ANKRD11: variants seen among roughly 807,000 people sequenced by gnomAD.
ANKRD11 encodes ankyrin repeat domain-containing protein 11.
A neutral mutation model predicts 195.7 loss-of-function variants in ANKRD11; 17 were observed. That is an observed-to-expected ratio of 0.09 (90% CI 0.06 to 0.13). ANKRD11 has a LOEUF of 0.13. Ranked by LOEUF, ANKRD11 falls within the 10% of genes least tolerant of loss-of-function variation. ANKRD11 has a pLI of 1.00. For missense variants in ANKRD11, 3,735 were observed against 3,566.1 expected, an observed-to-expected ratio of 1.05 and a Z score of -1.21; for synonymous variants, 1,953 against 1,528.1, an observed-to-expected ratio of 1.28 and a Z score of -6.49.
chr16:89,422,555 C>T (rs564602156), intron 1 of ANKRD11, among the ~76,000 whole-genome samples: 2 of 152,254 alleles, frequency 1.3e-5, no homozygotes, highest in African/African-American at 2.4e-5. Context: ...AGTAATAACA[C>T]GATATTCGCG....
chr16:89,395,139 C>T (rs142034190), intron 2 of ANKRD11, among the ~76,000 whole-genome samples: 4 of 152,368 alleles, frequency 2.6e-5, no homozygotes, highest in Admixed American at 2.6e-4. Context: ...GAACAGGCAA[C>T]ACCACCACTC....
chr16:89,388,293 AT>A (rs71134215), intron 2 of ANKRD11, among the ~76,000 whole-genome samples: 3,023 of 85,238 alleles, frequency 0.035, 128 homozygotes, highest in African/African-American at 0.12. Flanking sequence ...CATGAGGCTG[AT>A]TTTTTTTTTT....
intron 2 of ANKRD11, among the ~76,000 whole-genome samples, chr16:89,413,944 G>A (rs2042197125): frequency 6.6e-6 from 1 of 152,132 alleles, no homozygotes; most frequent in Non-Finnish European, 1.5e-5. Flanking sequence ...TGGCCACCCA[G>A]ACAGGGACCC....
chr16:89,472,622 C>T (rs757397062), intron 1 of ANKRD11, among the ~76,000 whole-genome samples: 2 of 152,166 alleles, frequency 1.3e-5, no homozygotes, highest in Admixed American at 6.5e-5. Flanking sequence ...CATTCCACTG[C>T]GCCCAGCTTA....
chr16:89,411,075 C>G (rs554391461), intron 2 of ANKRD11, among the ~76,000 whole-genome samples: 47 of 152,350 alleles, frequency 3.1e-4, no homozygotes, highest in Admixed American at 7.8e-4. Flanking sequence ...GCGGCCAGTG[C>G]AGGAGGCAGG....
chr16:89,296,050 G>A (rs867684440), intron 4 of ANKRD11, among the ~76,000 whole-genome samples: 3 of 138,472 alleles, frequency 2.2e-5, no homozygotes, highest in Non-Finnish European at 4.6e-5. Context: ...GCACAGTGGC[G>A]CAATCTCAGC....
intron 1 of ANKRD11, among the ~76,000 whole-genome samples, chr16:89,464,158 G>C (rs940453991): frequency 6.6e-6 from 1 of 152,062 alleles, no homozygotes; most frequent in Non-Finnish European, 1.5e-5. Flanking sequence ...AGAATCACTT[G>C]AACCTGGGAG....
At chr16:89,467,439 C>T (rs943738170) in intron 1 of ANKRD11, among the ~76,000 whole-genome samples, 3 of 152,220 alleles carry the variant, frequency 2.0e-5, no homozygotes, top group Non-Finnish European at 4.4e-5. Context: ...AAGACCTTGT[C>T]TCTAAAAAGA....
chr16:89,278,663 A>G, intron 9 of ANKRD11: 1 of 463,068 alleles, frequency 2.2e-6, no homozygotes, highest in Non-Finnish European at 4.3e-6. Context: ...GGCTCAGGGA[A>G]CCCACGCGGG....
intron 1 of ANKRD11, among the ~76,000 whole-genome samples, chr16:89,481,726 G>C (rs1470076634): frequency 2.0e-5 from 3 of 152,098 alleles, no homozygotes; most frequent in Non-Finnish European, 4.4e-5. Context: ...CATGCTTCCA[G>C]GTTAATCTGC....
intron 1 of ANKRD11, among the ~76,000 whole-genome samples, chr16:89,439,403 T>C (rs1480493172): frequency 6.6e-6 from 1 of 152,200 alleles, no homozygotes; most frequent in Non-Finnish European, 1.5e-5. Flanking sequence ...ATAAACCCAG[T>C]GTAAAGTCAA....
intron 2 of ANKRD11, among the ~76,000 whole-genome samples, chr16:89,353,896 A>G (rs1327175439): frequency 6.6e-6 from 1 of 152,200 alleles, no homozygotes; most frequent in Non-Finnish European, 1.5e-5. Flanking sequence ...GCAGCCTCTC[A>G]TGCAGGGAGC....
chr16:89,313,388 A>T, intron 3 of ANKRD11: 1 of 1,286,168 alleles, frequency 7.8e-7, no homozygotes, highest in Non-Finnish European at 1.0e-6. Flanking sequence ...CGGTTCTGGG[A>T]TTCCGTGGTC....
chr16:89,280,217 G>C lies in ANKRD11; in HGVS notation c.6325C>G (p.Leu2109Val). ...ENSFLDGSRG[L>V]SHLGQVEPVP... ...GGCTCCACCTGGCCGAGGTGAGACA[G>C]GCCGCGGCTGCCGTCCAGGAAGCTA... The change falls in exon 9 of 13, where the codon CTG (leucine) becomes GTG (valine). Residue 2109 changes from leucine (L) to valine (V), a missense_variant. By Grantham distance (32) the Leu-to-Val change is conservative (BLOSUM62 1). Transcript: ENST00000301030. The C allele has an allele frequency of 6.2e-7, 1 of 1,607,932 alleles. No individual in the cohort carries two copies. Among genetic ancestry groups the C allele is most frequent in the South Asian group, 1.1e-5 (1 of 90,960 alleles).
At chr16:89,356,817 G>A (rs1037778149) in intron 2 of ANKRD11, among the ~76,000 whole-genome samples, 2 of 151,164 alleles carry the variant, frequency 1.3e-5, no homozygotes, top group Non-Finnish European at 3.0e-5. Flanking sequence ...AAAAAAGAAC[G>A]TAATGGTACA....
At chr16:89,403,557 A>G (rs1052484027) in intron 2 of ANKRD11, 1 of 152,254 alleles carries the variant, frequency 6.6e-6, no homozygotes. Flanking sequence ...GCTTAAAAAA[A>G]AAAAGTACAC....
At chr16:89,349,604 C>CA (rs1169901839) in intron 2 of ANKRD11, among the ~76,000 whole-genome samples, 1 of 151,940 alleles carries the variant, frequency 6.6e-6, no homozygotes, top group African/African-American at 2.4e-5. Context: ...TATCCTCATG[C>CA]AAAAAACAAA....
chr16:89,357,776 G>C (rs2039553229), intron 2 of ANKRD11, among the ~76,000 whole-genome samples: 1 of 152,236 alleles, frequency 6.6e-6, no homozygotes, highest in Admixed American at 6.5e-5. Flanking sequence ...TGAGGGAGGA[G>C]TCTGGGAGGA....
rs1254269076 is a variant in ANKRD11, at chr16:89,464,182, C to T, written c.-145+26063G>A. On this transcript the variant is annotated intron_variant, in intron 1 of 12. Transcript: ENST00000301030. ...TGAACCTGGGAGGTGGAGGCTGTAG[C>T]GAGCGAAGATCGCACCACTGCACTC... Among the ~76,000 whole-genome samples the T allele has an allele frequency of 6.7e-5, 10 of 149,048 alleles. No individual in the cohort carries two copies. The East Asian group carries it at 1.0e-3, about 15-fold the overall frequency.
Sources: allele counts gnomAD v4.1 joint callset (sites outside exome capture counted in the v4.1 genomes callset), GRCh38; gene constraint gnomAD v4.1.1; transcripts MANE v1.5; gene names NCBI Gene and HGNC (gene_info 2026-07-23, HGNC 2026-07-21).